MTMR6: variants seen among roughly 807,000 people sequenced by gnomAD.
MTMR6 encodes the protein myotubularin related protein 6.
In MTMR6, 47 loss-of-function variants were observed where a neutral mutation model predicts 80.1. The observed-to-expected ratio is 0.59, with a 90% CI of 0.46 to 0.75. The LOEUF is 0.75. Ranked by LOEUF, MTMR6 falls within the 30% of genes least tolerant of loss-of-function variation. The pLI is 0.00. For missense variants in MTMR6, 629 were observed against 730.9 expected (o/e 0.86, Z 1.61); for synonymous variants, 254 against 253.0 (o/e 1.00, Z -0.04).
At chr13:25,283,420 T>C (rs950454859) in intron 1 of MTMR6, among the ~76,000 whole-genome samples, 8 of 152,252 alleles carry the variant, frequency 5.3e-5, no homozygotes, top group African/African-American at 1.9e-4. Context: ...CCTCAAAACC[T>C]ATTGGCTTTT....
chr13:25,287,190 G>A, intron 1 of MTMR6, 34 bp downstream of exon 1: 1 of 1,587,054 alleles, frequency 6.3e-7, no homozygotes, highest in South Asian at 1.1e-5. Flanking sequence ...TCAGAGCAGG[G>A]CCCCTGAAGA....
In MTMR6 at chr13:25,278,837, G is replaced by A. The variant is rs184074953; in HGVS notation, c.25-4650C>T. On this transcript the variant is annotated intron_variant, in intron 1 of 13. Coordinates refer to ENST00000381801, the MANE Select transcript of MTMR6 (RefSeq NM_004685.5). ...GAGGCAGAGGTTGCACAGAGCAGAG[G>A]CTGAGTCATTGCACTCCAGCTTGAG... is the stretch of plus-strand genomic sequence containing the variant. Among the ~76,000 whole-genome samples, 31 of 152,018 alleles carry A rather than the reference G, an allele frequency of 2.0e-4. No individual in the cohort carries two copies. In the East Asian group the frequency reaches 6.0e-3, roughly 29 times the overall value.
chr13:25,273,153 T>C (rs1323871267), intron 2 of MTMR6, among the ~76,000 whole-genome samples: 1 of 152,000 alleles, frequency 6.6e-6, no homozygotes, highest in African/African-American at 2.4e-5. Flanking sequence ...ATTGACAATA[T>C]CAATGTTGTT....
At chr13:25,276,838 G>A (rs1357566041) in intron 1 of MTMR6, among the ~76,000 whole-genome samples, 1 of 152,188 alleles carries the variant, frequency 6.6e-6, no homozygotes, top group Non-Finnish European at 1.5e-5. Flanking sequence ...GCTGTGATAA[G>A]TGCTTACCAT....
At chr13:25,278,528 C>T (rs1470428977) in intron 1 of MTMR6, among the ~76,000 whole-genome samples, 6 of 152,026 alleles carry the variant, frequency 3.9e-5, no homozygotes, top group Non-Finnish European at 7.4e-5. Flanking sequence ...CGAAACCAGC[C>T]TGGCCAACAT....
intron 1 of MTMR6, among the ~76,000 whole-genome samples, chr13:25,276,985 T>C (rs1414931969): frequency 2.6e-5 from 4 of 152,202 alleles, no homozygotes; most frequent in Non-Finnish European, 5.9e-5. Context: ...AGCTTAGTCA[T>C]AAACCTATGT....
intron 7 of MTMR6, among the ~76,000 whole-genome samples, chr13:25,258,237 C>G (rs1420279318): frequency 6.6e-6 from 1 of 152,066 alleles, no homozygotes; most frequent in East Asian, 1.9e-4. Flanking sequence ...ATTGTACTGT[C>G]TAATACAGCA....
intron 3 of MTMR6, 37 bp downstream of exon 3, chr13:25,267,742 A>C (rs754786593): frequency 6.3e-7 from 1 of 1,576,510 alleles, no homozygotes; most frequent in Non-Finnish European, 8.6e-7. Context: ...ACCCATCTCA[A>C]ATTGAGCATG....
chr13:25,265,731 CAAAAAA>C, intron 5 of MTMR6, 82 bp downstream of exon 5: 1 of 1,214,866 alleles, frequency 8.2e-7, no homozygotes, highest in South Asian at 1.5e-5. Context: ...GACCCTATCT[CAAAAAA>C]AAAAAAAAAG....
At chr13:25,279,438 C>T (rs1186154778) in intron 1 of MTMR6, among the ~76,000 whole-genome samples, 2 of 152,166 alleles carry the variant, frequency 1.3e-5, no homozygotes, top group Non-Finnish European at 2.9e-5. Flanking sequence ...CCTCTTTCCT[C>T]TATAAATTAC....
intron 1 of MTMR6, among the ~76,000 whole-genome samples, chr13:25,285,464 G>T (rs928909937): frequency 1.5e-5 from 2 of 129,922 alleles, no homozygotes; most frequent in African/African-American, 6.0e-5. Flanking sequence ...CCTCCACTTC[G>T]TGGGCTCAAG....
At chr13:25,263,114 T>C (rs1014081344) in intron 5 of MTMR6, among the ~76,000 whole-genome samples, 1 of 152,118 alleles carries the variant, frequency 6.6e-6, no homozygotes, top group Non-Finnish European at 1.5e-5. Flanking sequence ...AAAAAAGACA[T>C]AGAGATGTCA....
intron 5 of MTMR6, among the ~76,000 whole-genome samples, chr13:25,262,305 T>C (rs1342008633): frequency 6.6e-6 from 1 of 152,226 alleles, no homozygotes; most frequent in Non-Finnish European, 1.5e-5. Flanking sequence ...ATACAGTCAA[T>C]CGAATAGAGC....
chr13:25,247,213 A>G lies in MTMR6; in HGVS notation c.*2019T>C, dbSNP rs1956997175. On this transcript the variant is annotated 3_prime_UTR_variant, in exon 14 of 14. Coordinates refer to ENST00000381801, the MANE Select transcript of MTMR6 (RefSeq NM_004685.5). The stretch of plus-strand genomic sequence containing the variant: ...AAGTCTACTTGCCTAGGTGAGAAGA[A>G]AAAAAAAACAACTACAACTTGATTC... 6.6e-6 allele frequency: 1 copy of G among 152,078 alleles called. No individual in the cohort carries two copies. The highest frequency in any genetic ancestry group is 1.5e-5 in the Non-Finnish European group (1 of 67,860). The allele number at this position is 152,078 out of a possible 1,614,324, so 9.4% of individuals were successfully genotyped here.
Position 25,249,101 on chromosome 13 carries a change from C to T in MTMR6, c.*131G>A, listed in dbSNP as rs1198910616. On this transcript the variant is annotated 3_prime_UTR_variant, in exon 14 of 14. Transcript: ENST00000381801. The stretch of plus-strand genomic sequence containing the variant: ...TCTCACAAGGGTAGTTATTATCCTT[C>T]CTTCAACTATTAGCCTACTGTTAAA... 10 of 896,640 alleles carry T rather than the reference C, an allele frequency of 1.1e-5. No homozygotes were observed. Among genetic ancestry groups the T allele is most frequent in the Admixed American group, 8.5e-5 (3 of 35,232 alleles). 55.5% of individuals were successfully genotyped at this position (896,640 alleles called of 1,614,324 possible).
At position 25,267,892 on chromosome 13, in the gene MTMR6, G is replaced by T. The variant is rs774316319; in HGVS notation, c.191C>A (p.Ser64Tyr). 21 of 1,613,032 alleles carry T rather than the reference G, an allele frequency of 1.3e-5. No individual in the cohort carries two copies. Among genetic ancestry groups the T allele is most frequent in the Non-Finnish European group, 1.7e-5 (20 of 1,179,474 alleles). ...ASVEKLALTT[S>Y]GCPLVIQCKN... ...GCACTGTATCACAAGGGGGCATCCA[G>T]AAGTAGTCAAAGCAAGTTTCTCTAC... Residue 64 changes from serine (S) to tyrosine (Y), a missense_variant, in exon 3 of 14, where the codon TCT becomes TAT. By Grantham distance (144) the Ser-to-Tyr change is moderately radical. Coordinates refer to ENST00000381801, the MANE Select transcript of MTMR6 (RefSeq NM_004685.5).
chr13:25,272,793 C>T (rs970809875), intron 2 of MTMR6, among the ~76,000 whole-genome samples: 1 of 152,200 alleles, frequency 6.6e-6, no homozygotes, highest in African/African-American at 2.4e-5. Context: ...CTTTTTATGG[C>T]TGTGGTGAAT....
intron 1 of MTMR6, 61 bp downstream of exon 1, chr13:25,287,163 C>T (rs1957969592): frequency 1.3e-6 from 2 of 1,558,586 alleles, no homozygotes; most frequent in East Asian, 2.4e-5. Context: ...CCTTCGTCTC[C>T]TCCTGCCTCA....
chr13:25,252,523 T>C (rs2137520759), intron 11 of MTMR6, among the ~76,000 whole-genome samples: 1 of 152,354 alleles, frequency 6.6e-6, no homozygotes, highest in Admixed American at 6.5e-5. Context: ...AGAATGGTTT[T>C]AGACTGGACA....
Sources: allele counts gnomAD v4.1 joint callset (sites outside exome capture counted in the v4.1 genomes callset), GRCh38; gene constraint gnomAD v4.1.1; transcripts MANE v1.5; gene names NCBI Gene and HGNC (gene_info 2026-07-23, HGNC 2026-07-21).